ATF7IP: variants seen among roughly 807,000 people sequenced by gnomAD.
The protein encoded by ATF7IP is activating transcription factor 7 interacting protein, also known as activating transcription factor 7-interacting protein 1.
ATF7IP carries 23 observed loss-of-function variants against 106.4 expected under a neutral mutation model. The observed-to-expected ratio is 0.22, with a 90% CI of 0.16 to 0.31. The LOEUF (loss-of-function observed/expected upper bound fraction) is 0.31. ATF7IP is among the 10% of genes least tolerant of loss of function. The pLI, the probability that ATF7IP is intolerant of heterozygous loss-of-function variation, is 1.00. For synonymous variants in ATF7IP, 542 were observed against 539.0 expected (o/e 1.01, Z -0.08); for missense variants, 1,334 against 1,524.3 (o/e 0.88, Z 2.08).
intron 6 of ATF7IP, among the ~76,000 whole-genome samples, chr12:14,450,082 G>A (rs1943138807): frequency 1.3e-5 from 2 of 151,976 alleles, no homozygotes; most frequent in African/African-American, 4.8e-5. Flanking sequence ...TGTCTTTAGG[G>A]TTTTTACATA....
At chr12:14,467,965 T>C (rs776790482) in intron 10 of ATF7IP, among the ~76,000 whole-genome samples, 73 of 152,280 alleles carry the variant, frequency 4.8e-4, no homozygotes, top group Non-Finnish European at 9.6e-4. Context: ...TAGAATATTT[T>C]GCTGAAATAT....
At chr12:14,394,447 A>G (rs11835861) in intron 1 of ATF7IP, among the ~76,000 whole-genome samples, 2,984 of 152,302 alleles carry the variant, frequency 0.02, 98 homozygotes, top group African/African-American at 0.068. Flanking sequence ...AAATATGTAT[A>G]TCAAATATAT....
chr12:14,367,138 C>T (rs988526079), intron 1 of ATF7IP, among the ~76,000 whole-genome samples: 1 of 152,128 alleles, frequency 6.6e-6, no homozygotes. Flanking sequence ...TTCATATATA[C>T]AACAACTGGT....
At chr12:14,378,153 G>A (rs190303422) in intron 1 of ATF7IP, among the ~76,000 whole-genome samples, 16 of 146,792 alleles carry the variant, frequency 1.1e-4, no homozygotes, top group East Asian at 8.0e-4. Flanking sequence ...GCTGGAGTGC[G>A]GTGGCATGAT....
At chr12:14,366,537 CTG>C (rs373267616) in intron 1 of ATF7IP, among the ~76,000 whole-genome samples, 35 of 152,278 alleles carry the variant, frequency 2.3e-4, no homozygotes, top group African/African-American at 7.7e-4. Flanking sequence ...AAATCTCAAT[CTG>C]AGGATTATTT....
chr12:14,460,584 A>G lies in ATF7IP; in HGVS notation c.2248A>G (p.Thr750Ala), dbSNP rs777624434. The G allele has an allele frequency of 5.0e-6, 8 of 1,614,164 alleles. No individual in the cohort carries two copies. The highest frequency in any genetic ancestry group is 6.8e-6 in the Non-Finnish European group (8 of 1,180,032). ...AGTGACTTCGGGTTCCCTCACAGCA[A>G]CGTCAGTTCTTCCTGCACCCAATAC... ...TPVTSGSLTA[T>A]SVLPAPNTAT... Residue 750 changes from threonine to alanine, a missense_variant, in exon 9 of 15, where the codon ACG (threonine) becomes GCG (alanine). Coordinates refer to ENST00000261168, the MANE Select transcript of ATF7IP (RefSeq NM_018179.5).
intron 1 of ATF7IP, among the ~76,000 whole-genome samples, chr12:14,374,581 G>A (rs946591795): frequency 1.4e-4 from 21 of 152,276 alleles, no homozygotes; most frequent in South Asian, 1.0e-3. Flanking sequence ...GGTACAGAAA[G>A]TGGTGAGAGT....
chr12:14,384,591 G>C (rs1402058783), intron 1 of ATF7IP, among the ~76,000 whole-genome samples: 1 of 152,098 alleles, frequency 6.6e-6, no homozygotes, highest in East Asian at 1.9e-4. Context: ...GTGACCATCT[G>C]TACTACTGAA....
chr12:14,392,357 A>G (rs892224131), intron 1 of ATF7IP, among the ~76,000 whole-genome samples: 1 of 152,160 alleles, frequency 6.6e-6, no homozygotes, highest in African/African-American at 2.4e-5. Context: ...GCTGATTTAC[A>G]GTAAAAATGT....
intron 3 of ATF7IP, among the ~76,000 whole-genome samples, 169 bp from the exon 4 acceptor site, chr12:14,435,937 A>G (rs1336265718): frequency 6.6e-6 from 1 of 152,210 alleles, no homozygotes; most frequent in Admixed American, 6.5e-5. Context: ...AGTCATTTGA[A>G]GTTTAAAGCT....
At chr12:14,451,285 T>C (rs114516546) in intron 6 of ATF7IP, among the ~76,000 whole-genome samples, 2,559 of 152,226 alleles carry the variant, frequency 0.017, 71 homozygotes, top group African/African-American at 0.059. Flanking sequence ...GTCATCTGTT[T>C]TGTTAGTTAG....
intron 1 of ATF7IP, among the ~76,000 whole-genome samples, chr12:14,379,492 T>C (rs1207853321): frequency 2.0e-5 from 3 of 152,028 alleles, no homozygotes; most frequent in Non-Finnish European, 4.4e-5. Flanking sequence ...GGACCCTTGT[T>C]TTCCAAATGC....
chr12:14,497,923 A>C lies in ATF7IP; in HGVS notation c.3663A>C (p.Ala1221=), dbSNP rs1200594817. The C allele has an allele frequency of 6.2e-7, 1 of 1,614,166 alleles. No individual in the cohort carries two copies. The highest frequency in any genetic ancestry group is 8.5e-7 in the Non-Finnish European group (1 of 1,180,024). ...GGAAAAAGATTGGGGAAGTCAAGGC[A>C]CTTCCCTTGCCCATGGCATGTACTC... The part of the protein sequence containing the change: ...SQWKKIGEVK[A]LPLPMACTLT... Residue 1221 remains alanine, a synonymous_variant, in exon 15 of 15, where the codon GCA becomes GCC. Transcript: ENST00000261168.
At position 14,487,307 on chromosome 12, in the gene ATF7IP, C is replaced by T. The variant is rs113294255; in HGVS notation, c.3280+6122C>T. Among the ~76,000 whole-genome samples the T allele has an allele frequency of 1.9e-3, 294 of 150,824 alleles. 7 individuals are homozygous for T. The highest frequency in any genetic ancestry group is 6.7e-3 in the African/African-American group (271 of 40,190). On this transcript the variant is annotated intron_variant, in intron 13 of 14. Transcript: ENST00000261168. ...GTAAATTAGAGAACTCAAAACAGTT[C>T]TCTGAGTGTAGCATACCTCCTTATA...
chr12:14,478,799 G>T (rs1944342701), intron 12 of ATF7IP, among the ~76,000 whole-genome samples: 1 of 152,080 alleles, frequency 6.6e-6, no homozygotes. Context: ...CATATTCCTA[G>T]TTATTCTGCA....
chr12:14,412,672 G>C (rs1453065879), intron 1 of ATF7IP, among the ~76,000 whole-genome samples: 1 of 151,868 alleles, frequency 6.6e-6, no homozygotes, highest in Non-Finnish European at 1.5e-5. Context: ...CTATATACAA[G>C]ATTTTGTTAT....
intron 10 of ATF7IP, among the ~76,000 whole-genome samples, chr12:14,474,176 C>T (rs902260327): frequency 6.6e-5 from 10 of 151,650 alleles, no homozygotes; most frequent in African/African-American, 2.4e-4. Flanking sequence ...TTCATATTTT[C>T]TTCTGTTTTT....
intron 7 of ATF7IP, among the ~76,000 whole-genome samples, chr12:14,456,857 T>TTG (rs1321020845): frequency 1.3e-5 from 2 of 152,258 alleles, no homozygotes. Flanking sequence ...TATATTTCTT[T>TTG]AACCACTTGT....
chr12:14,490,365 ATTTC>A (rs1049637060), intron 13 of ATF7IP, among the ~76,000 whole-genome samples: 3 of 152,048 alleles, frequency 2.0e-5, no homozygotes, highest in South Asian at 2.1e-4. Flanking sequence ...TCTTCCCCAA[ATTTC>A]TTTGTCACCA....
Sources: allele counts gnomAD v4.1 joint callset (sites outside exome capture counted in the v4.1 genomes callset), GRCh38; gene constraint gnomAD v4.1.1; transcripts MANE v1.5; gene names NCBI Gene and HGNC (gene_info 2026-07-23, HGNC 2026-07-21).